Variants in ZNF440 observed in about 807,000 individuals in gnomAD.
ZNF440 encodes zinc finger protein 440.
In ZNF440, 47 loss-of-function variants were observed where a neutral mutation model predicts 49.7. The observed-to-expected ratio is 0.95, with a 90% CI of 0.75 to 1.21. ZNF440 has a LOEUF of 1.21. ZNF440 is among the 50% of genes most tolerant of loss of function. ZNF440 has a pLI of 0.00. For missense variants in ZNF440, 703 were observed against 715.0 expected, an observed-to-expected ratio of 0.98 and a Z score of 0.19; for synonymous variants, 255 against 237.7, an observed-to-expected ratio of 1.07 and a Z score of -0.67.
chr19:11,833,804 T>C lies in ZNF440; in HGVS notation c.*840T>C. ...CGCACCTTCAAATGCATGGAAGGAC[T>C]CACACTGGAGAAAAACCCTATGAAT... On this transcript the variant is annotated 3_prime_UTR_variant, in exon 4 of 4. Coordinates refer to ENST00000304060, the MANE Select transcript of ZNF440 (RefSeq NM_152357.3). 1 of 806,192 alleles carries C rather than the reference T, an allele frequency of 1.2e-6. No homozygotes were observed. Among genetic ancestry groups the C allele is most frequent in the Non-Finnish European group, 1.8e-6 (1 of 547,592 alleles). The allele number at this position is 806,192 out of a possible 1,614,324, so 49.9% of individuals were successfully genotyped here. A position where few individuals can be genotyped will look rare whatever the true frequency, so the allele number is the denominator to read the frequency against.
At chr19:11,820,744 C>G (rs553855138) in intron 1 of ZNF440, among the ~76,000 whole-genome samples, 18 of 152,270 alleles carry the variant, frequency 1.2e-4, no homozygotes, top group Middle Eastern at 6.8e-3. Flanking sequence ...TCTCTCCCAA[C>G]TCCAGTTTCC....
chr19:11,833,152 C>T lies in ZNF440; in HGVS notation c.*188C>T. The T allele has an allele frequency of 2.2e-6, 3 of 1,348,904 alleles. No homozygotes were observed. The highest frequency in any genetic ancestry group is 2.4e-5 in the South Asian group (2 of 81,830). 83.6% of individuals were successfully genotyped at this position (1,348,904 alleles called of 1,614,324 possible). A position where few individuals can be genotyped will look rare whatever the true frequency, so the allele number is the denominator to read the frequency against. On this transcript the variant is annotated 3_prime_UTR_variant, in exon 4 of 4. Coordinates refer to ENST00000304060, the MANE Select transcript of ZNF440 (RefSeq NM_152357.3). ...AAAGGACTCACACTGGAGAGAACCC[C>T]TATGAGTGTAAGCAATTTGGGAAAG...
chr19:11,832,133 A>C lies in ZNF440; in HGVS notation c.957A>C (p.Lys319Asn). ...KNLYECKQCG[K>N]ALSSLTSFQT... ...TCTATGAATGTAAGCAGTGTGGGAA[A>C]GCATTATCCTCTCTTACAAGTTTTC... is the stretch of plus-strand genomic sequence containing the variant. The change falls in exon 4 of 4, where the codon AAA (lysine) becomes AAC (asparagine). Residue 319 changes from lysine to asparagine, a missense_variant. Transcript: ENST00000304060. The C allele has an allele frequency of 6.2e-7, 1 of 1,614,254 alleles. No individual in the cohort carries two copies. The highest frequency in any genetic ancestry group is 8.5e-7 in the Non-Finnish European group (1 of 1,180,040).
Position 11,832,785 on chromosome 19 carries a change from AC to A in ZNF440, c.1612del (p.Leu538Ter). On this transcript the variant is annotated frameshift_variant, in exon 4 of 4. Coordinates refer to ENST00000304060, the MANE Select transcript of ZNF440 (RefSeq NM_152357.3). LOFTEE classifies it high-confidence loss of function. The part of the protein sequence containing the change: ...CQSFECMVGL[T>X]LKRNPMSVSN... ...ATCCTTTGAATGCATGGTAGGACTC[AC>A]CCTGAAGAGAAACCCTATGAGTGTG... 1 of 1,613,700 alleles carries A rather than the reference AC, an allele frequency of 6.2e-7. No homozygotes were observed. Among genetic ancestry groups the A allele is most frequent in the South Asian group, 1.1e-5 (1 of 91,044 alleles).
chr19:11,832,382 GA>G lies in ZNF440; in HGVS notation c.1209del (p.Ala404ProfsTer33), dbSNP rs1975958109. The G allele has an allele frequency of 1.2e-6, 2 of 1,612,960 alleles. No homozygotes were observed. Among genetic ancestry groups the G allele is most frequent in the African/African-American group, 2.7e-5 (2 of 74,550 alleles). On this transcript the variant is annotated frameshift_variant, in exon 4 of 4. Transcript: ENST00000304060. LOFTEE classifies it high-confidence loss of function. ...AACCCTATGAGTGTAAGCAATGTGG[GA>G]AAGCCTTCAGATCTGCCTCACACCT... ...EKPYECKQCG[K>X]AFRSASHLRV...
chr19:11,831,266 C>A, intron 3 of ZNF440, 102 bp from the exon 4 acceptor site: 3 of 1,440,034 alleles, frequency 2.1e-6, no homozygotes, highest in Non-Finnish European at 2.8e-6. Context: ...AGAAAGCCTA[C>A]ACTTTGATGG....
At chr19:11,824,668 A>C (rs575660090) in intron 1 of ZNF440, among the ~76,000 whole-genome samples, 1 of 150,426 alleles carries the variant, frequency 6.6e-6, no homozygotes, top group East Asian at 1.9e-4. Flanking sequence ...ACAGAGTTCC[A>C]GCATTTTTAT....
At chr19:11,819,870 A>G (rs1975777647) in intron 1 of ZNF440, among the ~76,000 whole-genome samples, 1 of 152,204 alleles carries the variant, frequency 6.6e-6, no homozygotes. Context: ...GGACCTTAGA[A>G]TACTACACAC....
chr19:11,831,974 T>G lies in ZNF440; in HGVS notation c.798T>G (p.His266Gln), dbSNP rs993711527. The G allele has an allele frequency of 2.5e-6, 4 of 1,613,530 alleles. No homozygotes were observed. Among genetic ancestry groups the G allele is most frequent in the Middle Eastern group, 1.7e-4 (1 of 6,058 alleles). Residue 266 changes from histidine (H) to glutamine (Q), a missense_variant, in exon 4 of 4, where the codon CAT becomes CAG. Transcript: ENST00000304060. Reference sequence around the variant, plus strand: ...ATCAGGAGTGTGGGAAAGCATTTCATAGTCCCAGATCCTATCGTAGACATG... The same window carrying G: ...ATCAGGAGTGTGGGAAAGCATTTCAGAGTCCCAGATCCTATCGTAGACATG... ...YEYQECGKAF[H>Q]SPRSYRRHER...
At position 11,834,375 on chromosome 19, in the gene ZNF440, C is replaced by T. The variant is rs1288833557; in HGVS notation, c.*1411C>T. The T allele has an allele frequency of 2.0e-5, 3 of 152,736 alleles. No homozygotes were observed. Among genetic ancestry groups the T allele is most frequent in the African/African-American group, 7.2e-5 (3 of 41,460 alleles). The allele number at this position is 152,736 out of a possible 1,614,324, so 9.5% of individuals were successfully genotyped here. A position where few individuals can be genotyped will look rare whatever the true frequency, so the allele number is the denominator to read the frequency against. On this transcript the variant is annotated 3_prime_UTR_variant, in exon 4 of 4. Transcript: ENST00000304060. ...AACTCCAGACCTCATGATTTACCCACCTCGGCCTCCCAAAATGCTGGGATT... is the reference window on the plus strand; with the variant it reads ...AACTCCAGACCTCATGATTTACCCATCTCGGCCTCCCAAAATGCTGGGATT...
rs539770330 is a variant in ZNF440, at chr19:11,820,342, G to A, written c.3+5892G>A. Among the ~76,000 whole-genome samples the A allele has an allele frequency of 4.8e-3, 733 of 152,120 alleles. 5 individuals are homozygous for A. Among genetic ancestry groups the A allele is most frequent in the Non-Finnish European group, 7.4e-3 (500 of 67,974 alleles). The stretch of plus-strand genomic sequence containing the variant: ...TGCCATTCTCCTGCCTCAGCCTCCC[G>A]AGTAGCTGGGATTACAGGCACCTGC... On this transcript the variant is annotated intron_variant, in intron 1 of 3. Transcript: ENST00000304060.
intron 1 of ZNF440, among the ~76,000 whole-genome samples, chr19:11,828,691 T>A (rs1371047821): frequency 2.1e-5 from 3 of 142,020 alleles, no homozygotes; most frequent in Non-Finnish European, 4.6e-5. Context: ...CTTTTTCTTT[T>A]TTTTTTTTTT....
intron 1 of ZNF440, among the ~76,000 whole-genome samples, chr19:11,820,200 A>G (rs1975781487): frequency 6.6e-6 from 1 of 151,980 alleles, no homozygotes; most frequent in African/African-American, 2.4e-5. Flanking sequence ...TGTGTCTTCC[A>G]TACACCCTCG....
chr19:11,825,260 A>G (rs142529274), intron 1 of ZNF440, among the ~76,000 whole-genome samples: 15 of 152,374 alleles, frequency 9.8e-5, no homozygotes, highest in African/African-American at 3.6e-4. Flanking sequence ...ATGCAAGAAT[A>G]TATTACATGT....
Position 11,832,480 on chromosome 19 carries a change from A to C in ZNF440, c.1304A>C (p.Tyr435Ser), listed in dbSNP as rs749245376. Residue 435 changes from tyrosine (Y) to serine (S), a missense_variant, in exon 4 of 4, where the codon TAT (tyrosine) becomes TCT (serine). Transcript: ENST00000304060. ...AAGGAATGTGGGAAAGCCTTCAGAT[A>C]TGTGAATAACCTTCAAAGTCATGAA... The part of the protein sequence containing the change: ...ECKECGKAFR[Y>S]VNNLQSHERT... 8.1e-6 allele frequency: 13 copies of C among 1,611,902 alleles called. No individual in the cohort carries two copies. The highest frequency in any genetic ancestry group is 1.3e-5 in the African/African-American group (1 of 74,212).
rs1322271947 is a variant in ZNF440 at position 11,833,490 on chromosome 19, A to G, written c.*526A>G. 6.0e-6 allele frequency: 2 copies of G among 335,210 alleles called. No individual in the cohort carries two copies. The highest frequency in any genetic ancestry group is 1.2e-5 in the Non-Finnish European group (2 of 172,580). The allele number at this position is 335,210 out of a possible 1,614,324, so 20.8% of individuals were successfully genotyped here. A position where few individuals can be genotyped will look rare whatever the true frequency, so the allele number is the denominator to read the frequency against. On this transcript the variant is annotated 3_prime_UTR_variant, in exon 4 of 4. Coordinates refer to ENST00000304060, the MANE Select transcript of ZNF440 (RefSeq NM_152357.3). The stretch of plus-strand genomic sequence containing the variant: ...AAGACTCACACTGGAAGGAAACACT[A>G]TGAATGCAAGCAATGTGGCAAAGCT...
At chr19:11,815,044 G>A (rs919120292) in intron 1 of ZNF440, among the ~76,000 whole-genome samples, 2 of 152,096 alleles carry the variant, frequency 1.3e-5, no homozygotes, top group Non-Finnish European at 2.9e-5. Context: ...GGGAGGCCGA[G>A]GCAGGCGGAT....
chr19:11,833,126 G>GA lies in ZNF440; in HGVS notation c.*165dup. On this transcript the variant is annotated 3_prime_UTR_variant, in exon 4 of 4. Transcript: ENST00000304060. ...TTCCTTCACTTCCTTTCGATATCAT[G>GA]AAAGGACTCACACTGGAGAGAACCC... 7.1e-7 allele frequency: 1 copy of GA among 1,416,384 alleles called. No individual in the cohort carries two copies. The highest frequency in any genetic ancestry group is 2.3e-5 in the East Asian group (1 of 43,702). The allele number at this position is 1,416,384 out of a possible 1,614,324, so 87.7% of individuals were successfully genotyped here.
At chr19:11,820,914 G>A (rs1303295492) in intron 1 of ZNF440, among the ~76,000 whole-genome samples, 1 of 152,172 alleles carries the variant, frequency 6.6e-6, no homozygotes, top group Non-Finnish European at 1.5e-5. Context: ...GCAATAGCCT[G>A]CAAAGCAAAA....
Sources: gnomAD v4.1 joint callset for allele counts (sites outside exome capture counted in the v4.1 genomes callset) on GRCh38, gnomAD v4.1.1 for gene constraint, MANE v1.5 for transcripts, NCBI Gene and HGNC (gene_info 2026-07-23, HGNC 2026-07-21) for gene names.